RANBP10: variants seen among roughly 807,000 people sequenced by gnomAD.
The protein encoded by RANBP10 is RAN binding protein 10.
RANBP10 carries 24 observed loss-of-function variants against 72.8 expected under a neutral mutation model. That is an observed-to-expected ratio of 0.33 (90% CI 0.24 to 0.46). RANBP10 has a LOEUF of 0.46. RANBP10 is among the 20% of genes least tolerant of loss of function. The probability of loss-of-function intolerance (pLI) is 1.00; values close to 1 mark genes in which losing one functional copy is unlikely to be tolerated. For synonymous variants in RANBP10, 310 were observed against 322.3 expected (o/e 0.96, Z 0.41); for missense variants, 679 against 817.5 (o/e 0.83, Z 2.07).
At chr16:67,801,286 C>T (rs2055231224) in intron 2 of RANBP10, among the ~76,000 whole-genome samples, 1 of 152,202 alleles carries the variant, frequency 6.6e-6, no homozygotes, top group Non-Finnish European at 1.5e-5. Context: ...GCACCATGCA[C>T]CTTTCAGCTC....
intron 3 of RANBP10, among the ~76,000 whole-genome samples, chr16:67,763,817 C>A (rs989737866): frequency 2.6e-5 from 4 of 152,208 alleles, no homozygotes; most frequent in African/African-American, 9.6e-5. Flanking sequence ...GCCTCAGCCT[C>A]CCGAGTAGCT....
intron 4 of RANBP10, 110 bp from the exon 5 acceptor site, chr16:67,738,145 T>C: frequency 7.8e-7 from 1 of 1,283,514 alleles, no homozygotes. Context: ...TTTGGTTTGT[T>C]GTTGTTGTTT....
intron 3 of RANBP10, among the ~76,000 whole-genome samples, chr16:67,768,869 T>G (rs2054552204): frequency 6.6e-6 from 1 of 152,268 alleles, no homozygotes. Flanking sequence ...ATTTATATTT[T>G]TAAAACAGAT....
chr16:67,740,264 A>T (rs1036623474), intron 4 of RANBP10, among the ~76,000 whole-genome samples: 1 of 151,766 alleles, frequency 6.6e-6, no homozygotes, highest in South Asian at 2.1e-4. Context: ...CATCATGCCC[A>T]GCTAATTTTT....
chr16:67,735,066 G>T, intron 5 of RANBP10, 24 bp from the exon 6 acceptor site: 1 of 1,564,810 alleles, frequency 6.4e-7, no homozygotes, highest in Non-Finnish European at 8.7e-7. Context: ...TGAAATGTCA[G>T]TCAGGCCCTG....
intron 2 of RANBP10, among the ~76,000 whole-genome samples, chr16:67,775,905 G>A (rs1334405885): frequency 6.6e-6 from 1 of 151,988 alleles, no homozygotes; most frequent in Admixed American, 6.6e-5. Context: ...CAGCTCTTTG[G>A]GAGGCCCAGG....
intron 4 of RANBP10, among the ~76,000 whole-genome samples, chr16:67,742,776 G>C (rs2053993710): frequency 6.6e-6 from 1 of 152,230 alleles, no homozygotes; most frequent in African/African-American, 2.4e-5. Context: ...CTTGGATACA[G>C]GGTGAGAGCC....
intron 3 of RANBP10, among the ~76,000 whole-genome samples, chr16:67,767,896 T>C (rs2054534745): frequency 6.6e-6 from 1 of 151,774 alleles, no homozygotes; most frequent in Non-Finnish European, 1.5e-5. Flanking sequence ...GCGCCCTGCC[T>C]CTACAAGAAA....
At chr16:67,770,697 T>C (rs569489710) in intron 3 of RANBP10, among the ~76,000 whole-genome samples, 1 of 152,310 alleles carries the variant, frequency 6.6e-6, no homozygotes, top group Non-Finnish European at 1.5e-5. Context: ...AGAAGCTCTG[T>C]CTCCCCAGTT....
At position 67,730,952 on chromosome 16, in the gene RANBP10, G is replaced by A. The variant is rs1220734764; in HGVS notation, c.889+520C>T. 6.4e-6 allele frequency: 1 copy of A among 155,640 alleles called. No individual in the cohort carries two copies. Among genetic ancestry groups the A allele is most frequent in the African/African-American group, 2.4e-5 (1 of 41,464 alleles). 9.6% of individuals were successfully genotyped at this position (155,640 alleles called of 1,614,324 possible). On this transcript the variant is annotated intron_variant, in intron 7 of 13. Coordinates refer to ENST00000317506, the MANE Select transcript of RANBP10 (RefSeq NM_020850.3). The surrounding 1 kb of genome is among the most constrained non-coding windows in gnomAD (Gnocchi z 4.3). ...ATCCAGGCCAGCATCAACACTGGGA[G>A]AGCTCTGGCCAAGGGAGGACTTTAG...
intron 3 of RANBP10, among the ~76,000 whole-genome samples, chr16:67,747,088 A>G (rs2054095880): frequency 6.6e-6 from 1 of 152,206 alleles, no homozygotes; most frequent in South Asian, 2.1e-4. Context: ...TGTATGTTTA[A>G]TTTGATAACA....
At chr16:67,769,536 G>A (rs955692288) in intron 3 of RANBP10, among the ~76,000 whole-genome samples, 2 of 148,840 alleles carry the variant, frequency 1.3e-5, no homozygotes, top group South Asian at 4.3e-4. Context: ...ACGAGGTTAA[G>A]AGATCGAAAC....
Position 67,800,904 on chromosome 16 carries a change from G to A in RANBP10, c.347+4524C>T, listed in dbSNP as rs546516327. ...TTCCCAGGCTCTGCCTCCTCTTGCA[G>A]AAAGACTTTCAGTCCACTCTCTACT... On this transcript the variant is annotated intron_variant, in intron 2 of 13. Transcript: ENST00000317506. 2.0e-3 allele frequency among the ~76,000 whole-genome samples: 309 copies of A among 152,272 alleles called. 2 individuals carry two copies. Among genetic ancestry groups the A allele is most frequent in the Non-Finnish European group, 2.6e-3 (175 of 68,038 alleles).
chr16:67,771,607 A>G (rs941933598), intron 3 of RANBP10, among the ~76,000 whole-genome samples: 2 of 152,158 alleles, frequency 1.3e-5, no homozygotes, highest in Non-Finnish European at 2.9e-5. Flanking sequence ...GGCCTCCCAA[A>G]GTGGGATTAC....
chr16:67,756,387 C>T (rs1391682605), intron 3 of RANBP10, among the ~76,000 whole-genome samples: 2 of 152,228 alleles, frequency 1.3e-5, no homozygotes, highest in Non-Finnish European at 2.9e-5. Context: ...TCCTGGCCCA[C>T]GGCTGACCAG....
Position 67,727,891 on chromosome 16 carries a change from T to C in RANBP10, c.1480A>G (p.Arg494Gly), listed in dbSNP as rs2143000607. 1.2e-6 allele frequency: 2 copies of C among 1,613,952 alleles called. No homozygotes were observed. The highest frequency in any genetic ancestry group is 1.7e-6 in the Non-Finnish European group (2 of 1,180,008). The change falls in exon 12 of 14, where the codon AGG becomes GGG. Residue 494 changes from arginine to glycine, a missense_variant. By Grantham distance (125) the Arg-to-Gly change is moderately radical. Coordinates refer to ENST00000317506, the MANE Select transcript of RANBP10 (RefSeq NM_020850.3). ...LQTDESSMDD[R>G]HPRRQLCGGN... is the part of the protein sequence containing the mutation. ...CCGCAGAGCTGCCGCCGAGGATGCC[T>C]GTCATCTGCATCCAGAACCCAGTGG...
intron 2 of RANBP10, among the ~76,000 whole-genome samples, chr16:67,791,415 C>A (rs1226276061): frequency 6.6e-6 from 1 of 152,174 alleles, no homozygotes; most frequent in African/African-American, 2.4e-5. Flanking sequence ...GCCAATGGGG[C>A]TCGACGTTTT....
chr16:67,749,419 C>A (rs2054152067), intron 3 of RANBP10, among the ~76,000 whole-genome samples: 1 of 152,204 alleles, frequency 6.6e-6, no homozygotes. Context: ...TCCTGCATCT[C>A]CCCACCGCCA....
At chr16:67,764,718 T>C (rs1405930452) in intron 3 of RANBP10, among the ~76,000 whole-genome samples, 2 of 152,116 alleles carry the variant, frequency 1.3e-5, no homozygotes, top group East Asian at 3.9e-4. Flanking sequence ...AATGTAAAAA[T>C]AAACAGACAT....
Sources: allele counts gnomAD v4.1 joint callset (sites outside exome capture counted in the v4.1 genomes callset), GRCh38; gene constraint gnomAD v4.1.1; non-coding constraint Gnocchi (gnomAD v3.1); transcripts MANE v1.5; gene names NCBI Gene and HGNC (gene_info 2026-07-23, HGNC 2026-07-21).